Variants in KCNH5 observed in about 807,000 individuals in gnomAD.
The protein encoded by KCNH5 is potassium voltage-gated channel subfamily H member 5, also known as voltage-gated delayed rectifier potassium channel KCNH5.
Under a neutral mutation model 96.1 loss-of-function variants are expected in KCNH5, and 46 were observed. That is an observed-to-expected ratio of 0.48 (90% confidence interval 0.38 to 0.61). The LOEUF (loss-of-function observed/expected upper bound fraction) is 0.61. KCNH5 is among the 20% of genes least tolerant of loss of function. The pLI, the probability that KCNH5 is intolerant of heterozygous loss-of-function variation, is 0.00. For synonymous variants in KCNH5, 439 were observed against 449.8 expected (o/e 0.98, Z 0.30); for missense variants, 907 against 1,225.8 (o/e 0.74, Z 3.88).
intron 6 of KCNH5, among the ~76,000 whole-genome samples, chr14:62,974,659 T>C (rs1890468508): frequency 6.6e-6 from 1 of 152,228 alleles, no homozygotes; most frequent in Non-Finnish European, 1.5e-5. Context: ...GTCTTCTAAG[T>C]CATTCTGCAC....
At chr14:62,884,542 C>G (rs1042892459) in intron 7 of KCNH5, among the ~76,000 whole-genome samples, 1 of 152,106 alleles carries the variant, frequency 6.6e-6, no homozygotes. Context: ...AGGAGAATTG[C>G]TTGAACCCGG....
At chr14:62,747,650 A>G (rs954395322) in intron 10 of KCNH5, among the ~76,000 whole-genome samples, 17 of 152,228 alleles carry the variant, frequency 1.1e-4, no homozygotes, top group Admixed American at 9.2e-4. Context: ...ACATGCAGCA[A>G]AACAGTACAG....
At chr14:62,794,007 T>A (rs1262881285) in intron 9 of KCNH5, among the ~76,000 whole-genome samples, 2 of 151,850 alleles carry the variant, frequency 1.3e-5, no homozygotes, top group East Asian at 3.9e-4. Context: ...AAGAGGAGAG[T>A]GGAATGTAAC....
intron 6 of KCNH5, among the ~76,000 whole-genome samples, chr14:62,972,457 A>G (rs1594653179): frequency 6.6e-6 from 1 of 152,366 alleles, no homozygotes; most frequent in East Asian, 1.9e-4. Flanking sequence ...GTTTCTTACA[A>G]AAGTAAACAT....
intron 7 of KCNH5, among the ~76,000 whole-genome samples, chr14:62,898,150 A>G (rs903963605): frequency 3.3e-5 from 5 of 152,224 alleles, no homozygotes; most frequent in African/African-American, 1.2e-4. Context: ...GTTGAAAAAT[A>G]TAATGTAATA....
chr14:62,982,514 A>C (rs1890629408), intron 5 of KCNH5, among the ~76,000 whole-genome samples: 1 of 152,226 alleles, frequency 6.6e-6, no homozygotes, highest in African/African-American at 2.4e-5. Flanking sequence ...AGAAGGTAGG[A>C]GTCAAAAAGG....
At chr14:62,794,915 T>C (rs1364503986) in intron 9 of KCNH5, among the ~76,000 whole-genome samples, 1 of 152,142 alleles carries the variant, frequency 6.6e-6, no homozygotes, top group East Asian at 1.9e-4. Context: ...TTTCCTTCAA[T>C]GAATGTAATT....
chr14:62,938,464 C>T (rs1271207035), intron 7 of KCNH5, among the ~76,000 whole-genome samples: 2 of 152,200 alleles, frequency 1.3e-5, no homozygotes, highest in African/African-American at 4.8e-5. Flanking sequence ...ATAAAATCCC[C>T]TCTCTGGCCA....
At chr14:62,827,412 C>T (rs1212242513) in intron 8 of KCNH5, among the ~76,000 whole-genome samples, 3 of 152,082 alleles carry the variant, frequency 2.0e-5, no homozygotes, top group African/African-American at 7.2e-5. Context: ...CTTGCAATTC[C>T]CATGTGTATT....
At chr14:62,870,244 T>C (rs1198997001) in intron 7 of KCNH5, among the ~76,000 whole-genome samples, 1 of 152,230 alleles carries the variant, frequency 6.6e-6, no homozygotes, top group African/African-American at 2.4e-5. Flanking sequence ...TGGAAACACT[T>C]CTGTAAATAT....
intron 8 of KCNH5, among the ~76,000 whole-genome samples, chr14:62,816,259 A>G (rs1886975989): frequency 6.6e-6 from 1 of 152,000 alleles, no homozygotes; most frequent in Admixed American, 6.6e-5. Context: ...ACACTTACAT[A>G]GGTTATAGAT....
chr14:62,954,631 G>A (rs192559593), intron 6 of KCNH5, among the ~76,000 whole-genome samples: 27 of 152,246 alleles, frequency 1.8e-4, no homozygotes, highest in Admixed American at 1.2e-3. Flanking sequence ...GTATGTCATT[G>A]AGTACAAAAG....
intron 6 of KCNH5, among the ~76,000 whole-genome samples, chr14:62,960,015 C>T (rs1890177144): frequency 6.6e-6 from 1 of 152,162 alleles, no homozygotes; most frequent in Non-Finnish European, 1.5e-5. Flanking sequence ...TTTATACAGC[C>T]TTGCACAGTC....
rs539026203 is a variant in KCNH5 at position 62,773,945 on chromosome 14, C to T, written c.2019+5783G>A. ...ACCAATATATCTGCTGATTTGAGGACCTTTGAGGATACAGATTTCCTACCA... is the reference window on the plus strand; with the variant it reads ...ACCAATATATCTGCTGATTTGAGGATCTTTGAGGATACAGATTTCCTACCA... On this transcript the variant is annotated intron_variant, in intron 10 of 10. Transcript: ENST00000322893. 3.3e-5 allele frequency among the ~76,000 whole-genome samples: 5 copies of T among 152,186 alleles called. No homozygotes were observed. In the South Asian group the frequency reaches 1.0e-3, roughly 32 times the overall value.
chr14:62,776,011 G>C (rs1256687974), intron 10 of KCNH5, among the ~76,000 whole-genome samples: 1 of 152,050 alleles, frequency 6.6e-6, no homozygotes, highest in Non-Finnish European at 1.5e-5. Context: ...GCTCACACCT[G>C]TAATCCCAGC....
At chr14:62,942,763 T>C (rs1349310763) in intron 7 of KCNH5, among the ~76,000 whole-genome samples, 3 of 152,210 alleles carry the variant, frequency 2.0e-5, no homozygotes, top group Non-Finnish European at 4.4e-5. Flanking sequence ...TATTTGAAAA[T>C]TGCAGATTAG....
chr14:62,873,841 G>A (rs573853331), intron 7 of KCNH5, among the ~76,000 whole-genome samples: 1 of 152,106 alleles, frequency 6.6e-6, no homozygotes, highest in South Asian at 2.1e-4. Context: ...CAGACACAAA[G>A]TGATGTCTGT....
At chr14:62,802,035 C>T (rs1886672327) in intron 9 of KCNH5, among the ~76,000 whole-genome samples, 1 of 152,146 alleles carries the variant, frequency 6.6e-6, no homozygotes, top group Admixed American at 6.5e-5. Context: ...GCCATTTTCA[C>T]ACTTACTAAC....
At chr14:62,847,211 A>G (rs1276481300) in intron 8 of KCNH5, among the ~76,000 whole-genome samples, 1 of 150,150 alleles carries the variant, frequency 6.7e-6, no homozygotes, top group African/African-American at 2.4e-5. Context: ...CCTAACAGGC[A>G]TAGGAGTCTT....
Sources: gnomAD v4.1 joint callset for allele counts (sites outside exome capture counted in the v4.1 genomes callset) on GRCh38, gnomAD v4.1.1 for gene constraint, MANE v1.5 for transcripts, NCBI Gene and HGNC (gene_info 2026-07-23, HGNC 2026-07-21) for gene names.